Variants in FARP1 observed in about 807,000 individuals in gnomAD.
FARP1 encodes the protein FERM, ARH/RhoGEF and pleckstrin domain protein 1.
FARP1 carries 52 observed loss-of-function variants against 128.8 expected under a neutral mutation model. The ratio of observed to expected loss-of-function variants is 0.40; its 90% CI spans 0.32 to 0.51. FARP1 has a LOEUF of 0.51. FARP1 is among the 20% of genes least tolerant of loss of function. The pLI is 0.45. For synonymous variants in FARP1, 580 were observed against 551.8 expected, an observed-to-expected ratio of 1.05 and a Z score of -0.72; for missense variants, 1,333 against 1,367.9, an observed-to-expected ratio of 0.97 and a Z score of 0.40.
rs1169909026 is a variant in FARP1 at position 98,440,133 on chromosome 13, G to A, written c.2527G>A (p.Glu843Lys). 5.6e-6 allele frequency: 9 copies of A among 1,613,956 alleles called. No individual in the cohort carries two copies. The highest frequency in any genetic ancestry group is 2.7e-5 in the African/African-American group (2 of 75,036). ...SIIVAASSRS[E>K]MEKWVEDIQM... Reference sequence around the variant, plus strand: ...CGTCTCTGTCTCCAGTTCTCGGTCCGAGATGGAGAAGTGGGTTGAGGACAT... The same window carrying A: ...CGTCTCTGTCTCCAGTTCTCGGTCCAAGATGGAGAAGTGGGTTGAGGACAT... The change falls in exon 23 of 27, where the codon GAG becomes AAG. Residue 843 changes from glutamate to lysine, a missense_variant. Physicochemically the swap from Glu to Lys is moderately conservative, Grantham distance 56. Transcript: ENST00000319562.
At chr13:98,237,492 G>A (rs957298901) in intron 2 of FARP1, among the ~76,000 whole-genome samples, 1 of 152,176 alleles carries the variant, frequency 6.6e-6, no homozygotes, top group African/African-American at 2.4e-5. Flanking sequence ...TGTTGCTGTT[G>A]CAGTGAACTC....
chr13:98,246,187 T>TG (rs1883049672), intron 2 of FARP1, among the ~76,000 whole-genome samples: 1 of 122,632 alleles, frequency 8.2e-6, no homozygotes, highest in African/African-American at 3.1e-5. Context: ...CTCCGCCCCC[T>TG]GGGGTTCACG....
intron 1 of FARP1, among the ~76,000 whole-genome samples, chr13:98,196,899 A>G (rs946543728): frequency 5.3e-5 from 8 of 152,222 alleles, no homozygotes; most frequent in African/African-American, 1.9e-4. Flanking sequence ...ACATTTCACT[A>G]TTGTAATTAA....
chr13:98,299,235 C>T (rs1252803829), intron 2 of FARP1, among the ~76,000 whole-genome samples: 1 of 152,176 alleles, frequency 6.6e-6, no homozygotes, highest in Non-Finnish European at 1.5e-5. Context: ...CAAAACTTTG[C>T]TGTCTGTTTT....
intron 2 of FARP1, among the ~76,000 whole-genome samples, chr13:98,299,116 T>C (rs534269773): frequency 6.6e-6 from 1 of 152,210 alleles, no homozygotes; most frequent in Non-Finnish European, 1.5e-5. Context: ...TTAAAAAATA[T>C]TGATTTTAAT....
At chr13:98,346,768 A>G (rs1344574496) in intron 3 of FARP1, among the ~76,000 whole-genome samples, 1 of 152,064 alleles carries the variant, frequency 6.6e-6, no homozygotes, top group Non-Finnish European at 1.5e-5. Context: ...TTTTGATAGA[A>G]TGGATCTGTG....
intron 1 of FARP1, among the ~76,000 whole-genome samples, chr13:98,209,158 A>G (rs12018640): frequency 0.46 from 70,032 of 151,772 alleles, 18,145 homozygotes; most frequent in Non-Finnish European, 0.58. Context: ...ATAGGCGCCC[A>G]CCACCATGCC....
At chr13:98,160,556 A>G (rs1166145624) in intron 1 of FARP1, among the ~76,000 whole-genome samples, 5 of 152,238 alleles carry the variant, frequency 3.3e-5, no homozygotes, top group Non-Finnish European at 7.3e-5. Context: ...TGGAAAGTGA[A>G]GAAAAGTAGG....
At chr13:98,360,520 A>T (rs1252188147) in intron 3 of FARP1, among the ~76,000 whole-genome samples, 1 of 152,192 alleles carries the variant, frequency 6.6e-6, no homozygotes, top group Admixed American at 6.5e-5. Flanking sequence ...GGATGCATCG[A>T]GGTGGCAGCT....
Position 98,431,133 on chromosome 13 carries a change from A to G in FARP1, c.1996A>G (p.Arg666Gly), listed in dbSNP as rs761677553. 1 of 1,614,188 alleles carries G rather than the reference A, an allele frequency of 6.2e-7. No homozygotes were observed. Among genetic ancestry groups the G allele is most frequent in the African/African-American group, 1.3e-5 (1 of 75,056 alleles). Reference sequence around the variant, plus strand: ...CTCCCGGCGGCTGGAGAACTTCTGCAGAGACTTTGAGCTGCAGAAGGTGTG... The same window carrying G: ...CTCCCGGCGGCTGGAGAACTTCTGCGGAGACTTTGAGCTGCAGAAGGTGTG... ...KSSRRLENFC[R>G]DFELQKVCYL... is the part of the protein sequence containing the mutation. The change falls in exon 18 of 27, where the codon AGA becomes GGA. Residue 666 changes from arginine to glycine, a missense_variant. By Grantham distance (125) the Arg-to-Gly change is moderately radical. This residue lies in a region of FARP1 where 1,009 missense variants were observed against 969.8 expected (regional missense o/e 1.04). Transcript: ENST00000319562.
At chr13:98,166,724 CTTTTT>C (rs60609331) in intron 1 of FARP1, among the ~76,000 whole-genome samples, 2 of 137,140 alleles carry the variant, frequency 1.5e-5, no homozygotes, top group African/African-American at 5.4e-5. Flanking sequence ...GTTTTTCTTT[CTTTTT>C]TTTTTTTTTT....
At chr13:98,379,144 T>A (rs1272856685) in intron 6 of FARP1, among the ~76,000 whole-genome samples, 1 of 55,054 alleles carries the variant, frequency 1.8e-5, no homozygotes, top group African/African-American at 1.8e-4. Context: ...ATATATAATC[T>A]ATATATAATA....
At chr13:98,200,839 C>T (rs909432273) in intron 1 of FARP1, among the ~76,000 whole-genome samples, 2 of 152,166 alleles carry the variant, frequency 1.3e-5, no homozygotes, top group Non-Finnish European at 2.9e-5. Flanking sequence ...GACACTGGGA[C>T]TGGCTAGAGA....
At chr13:98,402,243 T>C (rs1184688607) in intron 13 of FARP1, 1 of 152,254 alleles carries the variant, frequency 6.6e-6, no homozygotes, top group Non-Finnish European at 1.5e-5. Context: ...TAGAAATCAC[T>C]GCAACATGGA....
chr13:98,229,213 T>G (rs546688952), intron 2 of FARP1, among the ~76,000 whole-genome samples: 1 of 152,288 alleles, frequency 6.6e-6, no homozygotes, highest in East Asian at 1.9e-4. Flanking sequence ...TCCCCACATT[T>G]CTTTGCAAAG....
chr13:98,210,353 C>A (rs1279547135), intron 1 of FARP1, among the ~76,000 whole-genome samples: 2 of 152,008 alleles, frequency 1.3e-5, no homozygotes, highest in Non-Finnish European at 2.9e-5. Flanking sequence ...TTCATTGATT[C>A]TAATGGCTTT....
intron 13 of FARP1, chr13:98,407,277 C>G: frequency 6.5e-6 from 1 of 152,756 alleles, no homozygotes; most frequent in Non-Finnish European, 1.5e-5. Context: ...GTTTTAACCT[C>G]TAGACAGACT....
At chr13:98,254,894 G>C (rs1173729251) in intron 2 of FARP1, among the ~76,000 whole-genome samples, 4 of 151,858 alleles carry the variant, frequency 2.6e-5, no homozygotes, top group African/African-American at 9.7e-5. Context: ...GCTGTAGCTG[G>C]GGCAAAGAAA....
chr13:98,211,546 T>A (rs1433878929), intron 1 of FARP1, among the ~76,000 whole-genome samples: 3 of 152,194 alleles, frequency 2.0e-5, no homozygotes, highest in Non-Finnish European at 2.9e-5. Flanking sequence ...CTAAAATACA[T>A]CTTGAACTCT....
Sources: allele counts gnomAD v4.1 joint callset (sites outside exome capture counted in the v4.1 genomes callset), GRCh38; gene constraint gnomAD v4.1.1; regional missense constraint gnomAD v4.1.1; transcripts MANE v1.5; gene names NCBI Gene and HGNC (gene_info 2026-07-23, HGNC 2026-07-21).